PRMT7: variants seen among roughly 807,000 people sequenced by gnomAD.
The protein encoded by PRMT7 is protein arginine methyltransferase 7, also known as protein arginine N-methyltransferase 7.
A neutral mutation model predicts 85.4 loss-of-function variants in PRMT7; 75 were observed. The ratio of observed to expected loss-of-function variants is 0.88; its 90% CI spans 0.73 to 1.06. The LOEUF (loss-of-function observed/expected upper bound fraction) is 1.06. PRMT7 is among the 50% of genes least tolerant of loss of function. PRMT7 has a pLI of 0.00. For missense variants in PRMT7, 868 were observed against 915.2 expected, an observed-to-expected ratio of 0.95 and a Z score of 0.67; for synonymous variants, 397 against 359.5, an observed-to-expected ratio of 1.10 and a Z score of -1.18.
chr16:68,323,025 C>G (rs1043841079), intron 4 of PRMT7, among the ~76,000 whole-genome samples: 3 of 151,378 alleles, frequency 2.0e-5, no homozygotes, highest in Non-Finnish European at 4.4e-5. Flanking sequence ...CAGGGAGACT[C>G]CGTCTCAAAA....
chr16:68,345,441 C>T (rs1227897592), intron 9 of PRMT7, among the ~76,000 whole-genome samples: 1 of 152,208 alleles, frequency 6.6e-6, no homozygotes, highest in African/African-American at 2.4e-5. Flanking sequence ...GCCACTCTGG[C>T]AGATTGCTGC....
chr16:68,325,434 A>G (rs1208427633), intron 5 of PRMT7, among the ~76,000 whole-genome samples: 1 of 152,114 alleles, frequency 6.6e-6, no homozygotes, highest in Admixed American at 6.6e-5. Context: ...AAGTATTTAA[A>G]TACATGCCCC....
downstream of PRMT7, chr16:68,359,754 T>C (rs2089129916): frequency 6.6e-6 from 1 of 152,534 alleles, no homozygotes; most frequent in African/African-American, 2.4e-5. Context: ...GTCCCTCAAG[T>C]TGAGTCTCGA....
At chr16:68,333,422 G>T (rs948718838) in intron 6 of PRMT7, among the ~76,000 whole-genome samples, 2 of 151,686 alleles carry the variant, frequency 1.3e-5, no homozygotes, top group Non-Finnish European at 2.9e-5. Context: ...CAAAGGTTGC[G>T]GTGAGCCGAG....
intron 3 of PRMT7, chr16:68,318,693 C>G (rs553573533): frequency 6.6e-6 from 1 of 152,266 alleles, no homozygotes; most frequent in East Asian, 1.9e-4. Context: ...GCCACCACAC[C>G]TGGCTAATAT....
chr16:68,323,026 C>T (rs67145589), intron 4 of PRMT7, among the ~76,000 whole-genome samples: 2 of 151,190 alleles, frequency 1.3e-5, no homozygotes, highest in South Asian at 2.1e-4. Flanking sequence ...AGGGAGACTC[C>T]GTCTCAAAAA....
At chr16:68,312,501 G>A (rs1008336875) in intron 2 of PRMT7, among the ~76,000 whole-genome samples, 6 of 152,102 alleles carry the variant, frequency 3.9e-5, no homozygotes, top group Admixed American at 6.6e-5. Context: ...CCCTCACAGT[G>A]CTGGGATCAC....
At chr16:68,352,150 C>A in intron 14 of PRMT7, 98 bp from the exon 15 acceptor site, 2 of 1,324,240 alleles carry the variant, frequency 1.5e-6, no homozygotes, top group Non-Finnish European at 2.1e-6. Flanking sequence ...GAGGGAGTGA[C>A]TTGAGTGACT....
rs933515109 is a variant in PRMT7 at position 68,353,685 on chromosome 16, G to A, written c.1650+119G>A. The A allele has an allele frequency of 1.9e-5, 17 of 902,662 alleles. No individual in the cohort carries two copies. In the African/African-American group the frequency reaches 2.8e-4, roughly 15 times the overall value. The allele number at this position is 902,662 out of a possible 1,614,324, so 55.9% of individuals were successfully genotyped here. A position where few individuals can be genotyped will look rare whatever the true frequency, so the allele number is the denominator to read the frequency against. Reference sequence around the variant, plus strand: ...GTTGGGGGCAGTGAGGTCAGGTGCTGCCATTTTGTGTGGTTCAACATGAGC... The same window carrying A: ...GTTGGGGGCAGTGAGGTCAGGTGCTACCATTTTGTGTGGTTCAACATGAGC... On this transcript the variant is annotated intron_variant, in intron 16 of 18. Transcript: ENST00000441236.
At chr16:68,331,027 T>G (rs538836725) in intron 6 of PRMT7, among the ~76,000 whole-genome samples, 13 of 152,354 alleles carry the variant, frequency 8.5e-5, no homozygotes, top group Middle Eastern at 3.4e-3. Context: ...TAAACACACT[T>G]GTAACCACCA....
At chr16:68,329,236 T>G in intron 6 of PRMT7, 62 bp downstream of exon 6, 1 of 1,265,628 alleles carries the variant, frequency 7.9e-7, no homozygotes, top group Non-Finnish European at 1.1e-6. Flanking sequence ...AGGAAAAGGG[T>G]TATTCCAGTT....
chr16:68,316,090 ACAGCAGGCTG>A lies in PRMT7; in HGVS notation c.95+21_95+30del. On this transcript the variant is annotated intron_variant, in intron 3 of 18. Coordinates refer to ENST00000441236, the MANE Select transcript of PRMT7 (RefSeq NM_019023.5). ...AGATTGCAAGGTACTGGGTTGGTTT[ACAGCAGGCTG>A]CAGCTGGGTGGGGCACTTGATCTCA... 6.2e-7 allele frequency: 1 copy of A among 1,610,236 alleles called. No individual in the cohort carries two copies.
In PRMT7 at chr16:68,357,284, A is replaced by AG. The variant is rs930099253; in HGVS notation, c.*61dup. ...GGTTCTGAGTGGCTCATGGCTTTCT[A>AG]GCGGGGAAGGCTGAAGGCCCTCCTC... On this transcript the variant is annotated 3_prime_UTR_variant, in exon 19 of 19. Coordinates refer to ENST00000441236, the MANE Select transcript of PRMT7 (RefSeq NM_019023.5). 15 of 1,525,476 alleles carry AG rather than the reference A, an allele frequency of 9.8e-6. 1 individual carries two copies. Among genetic ancestry groups the AG allele is most frequent in the African/African-American group, 2.8e-5 (2 of 72,368 alleles). The allele number at this position is 1,525,476 out of a possible 1,614,324, so 94.5% of individuals were successfully genotyped here. A position where few individuals can be genotyped will look rare whatever the true frequency, so the allele number is the denominator to read the frequency against.
At chr16:68,318,152 T>C (rs562015592) in intron 3 of PRMT7, among the ~76,000 whole-genome samples, 6 of 152,152 alleles carry the variant, frequency 3.9e-5, no homozygotes, top group African/African-American at 1.4e-4. Context: ...GATGATTAAA[T>C]GTAATACAGT....
At chr16:68,313,337 C>T (rs1388214674) in intron 2 of PRMT7, among the ~76,000 whole-genome samples, 2 of 152,126 alleles carry the variant, frequency 1.3e-5, no homozygotes, top group African/African-American at 4.8e-5. Context: ...AACTACAAAA[C>T]GATGACTCTT....
At chr16:68,324,528 T>TG (rs1417341561) in intron 4 of PRMT7, 155 bp from the exon 5 acceptor site, 1 of 821,072 alleles carries the variant, frequency 1.2e-6, no homozygotes, top group African/African-American at 1.7e-5. Flanking sequence ...TCACAAGACC[T>TG]GCCCAACTCA....
chr16:68,345,934 T>C, intron 10 of PRMT7, 132 bp downstream of exon 10: 1 of 1,414,308 alleles, frequency 7.1e-7, no homozygotes, highest in East Asian at 2.3e-5. Flanking sequence ...CAAAGATTTG[T>C]GACCAGTGTG....
chr16:68,330,157 G>C (rs1244896800), intron 6 of PRMT7, among the ~76,000 whole-genome samples: 1 of 152,154 alleles, frequency 6.6e-6, no homozygotes, highest in African/African-American at 2.4e-5. Flanking sequence ...GCCTCCCAAA[G>C]TGCTAGGATT....
Position 68,356,794 on chromosome 16 carries a change from C to A in PRMT7, c.1905C>A (p.Pro635=), listed in dbSNP as rs61733486. 6.2e-7 allele frequency: 1 copy of A among 1,606,042 alleles called. No homozygotes were observed. Among genetic ancestry groups the A allele is most frequent in the African/African-American group, 1.3e-5 (1 of 74,806 alleles). The change falls in exon 18 of 19, where the codon CCC becomes CCA. Residue 635 remains proline (P), a synonymous_variant. Coordinates refer to ENST00000441236, the MANE Select transcript of PRMT7 (RefSeq NM_019023.5). The stretch of plus-strand genomic sequence containing the variant: ...CTGGCCTCCTGGAGCCTGCAGACCC[C>A]GAGGTAGTGCCTGCGCACCGGGCCC... ...LSTGLLEPAD[P]EGGCCWNPHC...
Sources: allele counts gnomAD v4.1 joint callset (sites outside exome capture counted in the v4.1 genomes callset), GRCh38; gene constraint gnomAD v4.1.1; transcripts MANE v1.5; gene names NCBI Gene and HGNC (gene_info 2026-07-23, HGNC 2026-07-21).